The following ZNF638 variants were observed in gnomAD, a reference collection of about 807,000 sequenced individuals.
The protein encoded by ZNF638 is CTCL tumor antigen se33-1.
A neutral mutation model predicts 195.6 loss-of-function variants in ZNF638; 46 were observed. That is an observed-to-expected ratio of 0.24 (90% confidence interval 0.19 to 0.30). ZNF638 has a LOEUF of 0.30. ZNF638 is among the 10% of genes least tolerant of loss of function. The pLI is 1.00. For synonymous variants in ZNF638, 845 were observed against 772.0 expected, an observed-to-expected ratio of 1.09 and a Z score of -1.57; for missense variants, 2,440 against 2,325.3, an observed-to-expected ratio of 1.05 and a Z score of -1.01.
chr2:71,355,014 G>C (rs1326300115), intron 2 of ZNF638, among the ~76,000 whole-genome samples: 1 of 151,872 alleles, frequency 6.6e-6, no homozygotes, highest in African/African-American at 2.4e-5. Flanking sequence ...TGTCGCCCAG[G>C]CTGGAGTGCA....
Position 71,343,495 on chromosome 2 carries a change from A to G in ZNF638, c.-202-5258A>G, listed in dbSNP as rs1288850852. 2.0e-5 allele frequency among the ~76,000 whole-genome samples: 3 copies of G among 152,246 alleles called. No individual in the cohort carries two copies. In the East Asian group the frequency reaches 5.8e-4, roughly 29 times the overall value. ...TAAATGTTCCTGCCTGCCAATAAGT[A>G]AAACAGAAACAACAAAAATCAGTGT... On this transcript the variant is annotated intron_variant, in intron 1 of 27. Coordinates refer to ENST00000264447, the MANE Select transcript of ZNF638 (RefSeq NM_014497.5).
At chr2:71,347,383 G>A (rs1317527067) in intron 1 of ZNF638, among the ~76,000 whole-genome samples, 1 of 151,800 alleles carries the variant, frequency 6.6e-6, no homozygotes, top group East Asian at 1.9e-4. Flanking sequence ...TTGGAGGGAA[G>A]GGTGTTAACC....
At chr2:71,335,860 C>T (rs1221979560) in intron 1 of ZNF638, among the ~76,000 whole-genome samples, 2 of 152,132 alleles carry the variant, frequency 1.3e-5, no homozygotes, top group African/African-American at 4.8e-5. Context: ...CCTCCCACCC[C>T]CATGCATATG....
Position 71,426,758 on chromosome 2 carries a change from T to C in ZNF638, c.4889T>C (p.Leu1630Pro), listed in dbSNP as rs971340427. 2 of 1,613,530 alleles carry C rather than the reference T, an allele frequency of 1.2e-6. No homozygotes were observed. The highest frequency in any genetic ancestry group is 2.7e-5 in the African/African-American group (2 of 74,874). ...TVDEVIDEEE[L>P]NMEEMVKNSN... ...GATGAAGTAATTGATGAAGAAGAACTAAATATGGAAGAAATGGTAAAAAAT... is the reference window on the plus strand; with the variant it reads ...GATGAAGTAATTGATGAAGAAGAACCAAATATGGAAGAAATGGTAAAAAAT... The change falls in exon 24 of 28, where the codon CTA becomes CCA. Residue 1630 changes from leucine to proline, a missense_variant. Physicochemically the swap from Leu to Pro is moderately conservative, Grantham distance 98. This residue lies in a region of ZNF638 where 1,883 missense variants were observed against 1,739.1 expected (regional missense o/e 1.08). Transcript: ENST00000264447.
chr2:71,337,950 C>T (rs144352840), intron 1 of ZNF638, among the ~76,000 whole-genome samples: 223 of 152,250 alleles, frequency 1.5e-3, no homozygotes, highest in African/African-American at 5.3e-3. Context: ...TAGAGCACTT[C>T]TCATTTTGGA....
chr2:71,404,416 A>G (rs2080064863), intron 17 of ZNF638, among the ~76,000 whole-genome samples: 1 of 152,040 alleles, frequency 6.6e-6, no homozygotes. Flanking sequence ...TATCTCTTAA[A>G]AACTCTTACT....
intron 3 of ZNF638, among the ~76,000 whole-genome samples, chr2:71,361,253 A>AT (rs1240702575): frequency 6.6e-6 from 1 of 152,196 alleles, no homozygotes; most frequent in African/African-American, 2.4e-5. Flanking sequence ...ATGCTCCACC[A>AT]TTATTACCAG....
At chr2:71,346,482 T>G (rs1318081629) in intron 1 of ZNF638, among the ~76,000 whole-genome samples, 1 of 152,238 alleles carries the variant, frequency 6.6e-6, no homozygotes, top group African/African-American at 2.4e-5. Context: ...GTATTTGATG[T>G]GTTTTTGTGT....
chr2:71,399,781 C>A lies in ZNF638; in HGVS notation c.2587+136C>A, dbSNP rs1417874910. On this transcript the variant is annotated intron_variant, in intron 13 of 27. Coordinates refer to ENST00000264447, the MANE Select transcript of ZNF638 (RefSeq NM_014497.5). ...GTTTGTTGTACAGGTTATTTCATCA[C>A]CCAGATATTAAGCCTAGGACCCATT... 5.7e-6 allele frequency: 4 copies of A among 705,882 alleles called. No individual in the cohort carries two copies. In the African/African-American group the frequency reaches 7.3e-5, roughly 13 times the overall value. 43.7% of individuals were successfully genotyped at this position (705,882 alleles called of 1,614,324 possible). A position where few individuals can be genotyped will look rare whatever the true frequency, so the allele number is the denominator to read the frequency against.
chr2:71,334,095 T>C (rs2078621236), intron 1 of ZNF638, among the ~76,000 whole-genome samples: 1 of 152,222 alleles, frequency 6.6e-6, no homozygotes, highest in East Asian at 1.9e-4. Flanking sequence ...TCAATATATA[T>C]TGTAACCATT....
chr2:71,349,345 G>T lies in ZNF638; in HGVS notation c.391G>T (p.Val131Leu), dbSNP rs201124084. Residue 131 changes from valine to leucine, a missense_variant, in exon 2 of 28, where the codon GTA becomes TTA. Around this residue, in one of 5 missense-constraint regions of ZNF638, gnomAD observed 191 missense variants for 173.8 expected, o/e 1.10. Transcript: ENST00000264447. ...ACAGGTTACAGAGCAGAGTCCCAAA[G>T]TACAGAGCCGCTATACAAAAGAGAG... is the stretch of plus-strand genomic sequence containing the variant. ...VTQVTEQSPKVQSRYTKESAS... is the reference protein window; with the variant it reads ...VTQVTEQSPKLQSRYTKESAS... 1 of 1,614,164 alleles carries T rather than the reference G, an allele frequency of 6.2e-7. No individual in the cohort carries two copies. The highest frequency in any genetic ancestry group is 2.2e-5 in the East Asian group (1 of 44,884).
chr2:71,355,224 G>A (rs1371805531), intron 2 of ZNF638, among the ~76,000 whole-genome samples: 1 of 152,150 alleles, frequency 6.6e-6, no homozygotes, highest in African/African-American at 2.4e-5. Context: ...CCAAAGTGCT[G>A]GGATTACAGG....
At position 71,346,993 on chromosome 2, in the gene ZNF638, C is replaced by T. The variant is rs983202943; in HGVS notation, c.-202-1760C>T. ...GAGCCGAGATTGCGCCATTGGACTC[C>T]AGCCTGAGTGACAAAGTGCATCCCT... On this transcript the variant is annotated intron_variant, in intron 1 of 27. Coordinates refer to ENST00000264447, the MANE Select transcript of ZNF638 (RefSeq NM_014497.5). 2.2e-4 allele frequency among the ~76,000 whole-genome samples: 33 copies of T among 151,762 alleles called. No homozygotes were observed. The Middle Eastern group carries it at 0.01, about 47-fold the overall frequency.
intron 10 of ZNF638, among the ~76,000 whole-genome samples, chr2:71,389,054 G>T (rs1381522269): frequency 6.6e-6 from 1 of 152,128 alleles, no homozygotes. Context: ...GGGCTGCTTT[G>T]GCCCTGCTGT....
chr2:71,343,832 T>TA (rs1343171468), intron 1 of ZNF638, among the ~76,000 whole-genome samples: 1 of 152,186 alleles, frequency 6.6e-6, no homozygotes, highest in East Asian at 1.9e-4. Flanking sequence ...CATCTCCTGT[T>TA]AAAATTAACA....
intron 6 of ZNF638, among the ~76,000 whole-genome samples, chr2:71,367,325 C>T (rs2079217937): frequency 6.6e-6 from 1 of 151,404 alleles, no homozygotes; most frequent in Non-Finnish European, 1.5e-5. Context: ...GTGGCACAGT[C>T]ATAGCTCACT....
chr2:71,391,458 T>A (rs182811589), intron 10 of ZNF638, among the ~76,000 whole-genome samples: 2 of 152,264 alleles, frequency 1.3e-5, no homozygotes, highest in East Asian at 3.9e-4. Context: ...TGCTCCCCAG[T>A]AGAAAAAAAT....
chr2:71,404,038 T>C, intron 17 of ZNF638, 40 bp downstream of exon 17: 1 of 1,573,000 alleles, frequency 6.4e-7, no homozygotes, highest in South Asian at 1.2e-5. Flanking sequence ...TTACTAAGTT[T>C]TTAAATCAGA....
intron 10 of ZNF638, among the ~76,000 whole-genome samples, chr2:71,382,686 CCAGA>C (rs2079554599): frequency 1.3e-5 from 2 of 151,914 alleles, no homozygotes; most frequent in Admixed American, 6.6e-5. Context: ...ATGGCTGTCC[CCAGA>C]CAGTTTACAT....
Sources: allele counts gnomAD v4.1 joint callset (sites outside exome capture counted in the v4.1 genomes callset), GRCh38; gene constraint gnomAD v4.1.1; regional missense constraint gnomAD v4.1.1; transcripts MANE v1.5; gene names NCBI Gene and HGNC (gene_info 2026-07-23, HGNC 2026-07-21).